Variants in PRELID2 observed in about 807,000 individuals in gnomAD.
PRELID2 encodes PRELI domain containing 2.
In PRELID2, 25 loss-of-function variants were observed where a neutral mutation model predicts 28.4. The ratio of observed to expected loss-of-function variants is 0.88; its 90% CI spans 0.64 to 1.23. The LOEUF is 1.23. PRELID2 is among the 50% of genes most tolerant of loss of function. The pLI is 0.00. For synonymous variants in PRELID2, 76 were observed against 71.6 expected, an observed-to-expected ratio of 1.06 and a Z score of -0.31; for missense variants, 201 against 214.4, an observed-to-expected ratio of 0.94 and a Z score of 0.39.
intron 5 of PRELID2, among the ~76,000 whole-genome samples, chr5:145,776,868 A>G (rs1758442367): frequency 6.6e-6 from 1 of 152,258 alleles, no homozygotes; most frequent in African/African-American, 2.4e-5. Flanking sequence ...TATCTCCCAC[A>G]TGGATGATGT....
the PRELID2 span, among the ~76,000 whole-genome samples, chr5:145,327,361 A>G: frequency 3.9e-5 from 6 of 152,110 alleles, no homozygotes; most frequent in African/African-American, 1.2e-4. Context: ...CCACTTTATT[A>G]TTATATAATG....
At chr5:145,361,960 A>G in the PRELID2 span, among the ~76,000 whole-genome samples, 226 of 152,240 alleles carry the variant, frequency 1.5e-3, 2 homozygotes, top group African/African-American at 5.1e-3. Context: ...TGTGACATGG[A>G]CTCAGACACC....
At chr5:145,610,454 T>C (rs55726225) in intron 1 of PRELID2, among the ~76,000 whole-genome samples, 5,313 of 146,880 alleles carry the variant, frequency 0.036, 279 homozygotes, top group African/African-American at 0.13. Context: ...AAGATCATCA[T>C]TCTCAATTTA....
the PRELID2 span, among the ~76,000 whole-genome samples, chr5:145,317,757 G>A: frequency 6.6e-5 from 10 of 152,056 alleles, no homozygotes; most frequent in South Asian, 4.1e-4. Context: ...TTGTCCCTGG[G>A]CTCCAGGAAC....
chr5:145,669,318 A>C (rs376641634), intron 1 of PRELID2, among the ~76,000 whole-genome samples: 1 of 152,098 alleles, frequency 6.6e-6, no homozygotes, highest in South Asian at 2.1e-4. Flanking sequence ...AATAAAAGGC[A>C]AACACAGGTG....
chr5:145,570,172 C>T (rs1753004447), intron 1 of PRELID2, among the ~76,000 whole-genome samples: 1 of 152,022 alleles, frequency 6.6e-6, no homozygotes, highest in African/African-American at 2.4e-5. Flanking sequence ...TTGATTAGTA[C>T]CCACCCTAAT....
chr5:145,567,647 G>A (rs1752979361), intron 1 of PRELID2, among the ~76,000 whole-genome samples: 1 of 152,064 alleles, frequency 6.6e-6, no homozygotes, highest in African/African-American at 2.4e-5. Flanking sequence ...CAAAGTGCTG[G>A]GATTACAGGT....
intron 1 of PRELID2, among the ~76,000 whole-genome samples, chr5:145,740,694 A>C (rs1198603452): frequency 1.0e-5 from 1 of 98,918 alleles, no homozygotes; most frequent in Non-Finnish European, 1.9e-5. Context: ...TTAATATATT[A>C]TTTATATTAA....
the PRELID2 span, among the ~76,000 whole-genome samples, chr5:145,313,386 G>A: frequency 1.3e-5 from 2 of 152,174 alleles, no homozygotes; most frequent in African/African-American, 4.8e-5. Flanking sequence ...GGAGGAAAGG[G>A]CTCTTCTCAT....
At chr5:145,276,334 C>T in the PRELID2 span, among the ~76,000 whole-genome samples, 1 of 152,174 alleles carries the variant, frequency 6.6e-6, no homozygotes, top group Non-Finnish European at 1.5e-5. Context: ...GCTGTTCTCT[C>T]TTTCTAGCAG....
rs1312376931 is a variant in PRELID2, at chr5:145,615,572, C to T, written n.71-142257G>A. Among the ~76,000 whole-genome samples the T allele has an allele frequency of 7.7e-5, 9 of 116,958 alleles. 2 individuals carry two copies. The highest frequency in any genetic ancestry group is 2.5e-4 in the East Asian group (1 of 3,992). The allele number at this position is 116,958 out of a possible 152,430, so 76.7% of individuals were successfully genotyped here. The stretch of plus-strand genomic sequence containing the variant: ...CGATCTCCTGACCTCGTGATCTGCC[C>T]GCCTCGGCCTCCCAAAGTGCTGGGA... On this transcript the variant is annotated intron_variant and non_coding_transcript_variant, in intron 1 of 2. Coordinates refer to the PRELID2 transcript ENST00000510259.
chr5:145,732,140 C>T (rs190620093), intron 1 of PRELID2, among the ~76,000 whole-genome samples: 83 of 152,258 alleles, frequency 5.5e-4, no homozygotes, highest in Admixed American at 1.6e-3. Flanking sequence ...TCCTTGATTA[C>T]AGTTTATGTC....
chr5:145,627,806 C>T (rs1266791970), intron 1 of PRELID2, among the ~76,000 whole-genome samples: 1 of 152,162 alleles, frequency 6.6e-6, no homozygotes, highest in African/African-American at 2.4e-5. Context: ...GGCTACTTCA[C>T]CAACTTAATC....
At chr5:145,587,335 G>T (rs1266640140) in intron 1 of PRELID2, among the ~76,000 whole-genome samples, 1 of 152,120 alleles carries the variant, frequency 6.6e-6, no homozygotes, top group East Asian at 1.9e-4. Flanking sequence ...GTTATCCTTT[G>T]TGGCAAAGCA....
At chr5:145,588,270 G>C (rs1030490549) in intron 1 of PRELID2, among the ~76,000 whole-genome samples, 4 of 152,056 alleles carry the variant, frequency 2.6e-5, no homozygotes, top group Non-Finnish European at 4.4e-5. Context: ...GGACACCAAA[G>C]CTTAGAGACT....
chr5:145,326,181 T>C, the PRELID2 span, among the ~76,000 whole-genome samples: 5 of 152,122 alleles, frequency 3.3e-5, no homozygotes, highest in African/African-American at 9.7e-5. Flanking sequence ...ATTTTTTTAA[T>C]TTTTAGTAAG....
At chr5:145,533,297 G>A (rs968778956) in intron 1 of PRELID2, among the ~76,000 whole-genome samples, 3 of 151,956 alleles carry the variant, frequency 2.0e-5, no homozygotes, top group Admixed American at 6.6e-5. Context: ...TCTCAGTCCC[G>A]ATGCTAGCAC....
chr5:145,351,648 A>G, the PRELID2 span, among the ~76,000 whole-genome samples: 1 of 152,164 alleles, frequency 6.6e-6, no homozygotes, highest in Non-Finnish European at 1.5e-5. Context: ...ATGCCTTTCC[A>G]ACAGTCCCCC....
chr5:145,702,152 A>C (rs1324673035), intron 1 of PRELID2, among the ~76,000 whole-genome samples: 1 of 152,186 alleles, frequency 6.6e-6, no homozygotes, highest in Non-Finnish European at 1.5e-5. Flanking sequence ...GTAATGCTTA[A>C]GTATTTTTAA....
Sources: allele counts gnomAD v4.1 joint callset (sites outside exome capture counted in the v4.1 genomes callset), GRCh38; gene constraint gnomAD v4.1.1; transcripts MANE v1.5; gene names NCBI Gene and HGNC (gene_info 2026-07-23, HGNC 2026-07-21).